PRDM2: variants seen among roughly 807,000 people sequenced by gnomAD.
The protein encoded by PRDM2 is PR/SET domain 2, also known as PR domain zinc finger protein 2.
A neutral mutation model predicts 130.0 loss-of-function variants in PRDM2; 30 were observed. The ratio of observed to expected loss-of-function variants is 0.23; its 90% CI spans 0.17 to 0.31. The LOEUF (loss-of-function observed/expected upper bound fraction) is 0.31. Ranked by LOEUF, PRDM2 falls within the 10% of genes least tolerant of loss-of-function variation. The pLI is 1.00. For missense variants in PRDM2, 2,011 were observed against 2,108.4 expected, an observed-to-expected ratio of 0.95 and a Z score of 0.90; for synonymous variants, 871 against 782.4, an observed-to-expected ratio of 1.11 and a Z score of -1.89.
intron 8 of PRDM2, among the ~76,000 whole-genome samples, chr1:13,785,414 CT>C (rs1284549248): frequency 6.6e-6 from 1 of 152,190 alleles, no homozygotes; most frequent in African/African-American, 2.4e-5. Flanking sequence ...GTTTTCCATA[CT>C]CAGATATTTT....
At position 13,781,428 on chromosome 1, in the gene PRDM2, A is replaced by G. The variant is rs767330105; in HGVS notation, c.3633A>G (p.Arg1211=). The G allele has an allele frequency of 1.9e-6, 3 of 1,614,142 alleles. No individual in the cohort carries two copies. Among genetic ancestry groups the G allele is most frequent in the Non-Finnish European group, 2.5e-6 (3 of 1,180,042 alleles). ...TGTGCAATTTGCAGCAGCACCAGCG[A>G]GATCTCCACCCAGATAAGGTGTGCA... ...AFLCNLQQHQ[R]DLHPDKVCTH... The change falls in exon 8 of 10, where the codon CGA becomes CGG. Residue 1211 remains arginine (R), a synonymous_variant. Transcript: ENST00000311066. This position sits in a 1 kb window ranked among gnomAD's most constrained non-coding sequence, Gnocchi z 6.1.
Position 13,752,077 on chromosome 1 carries a change from C to T in PRDM2, c.511+2590C>T, listed in dbSNP as rs527567754. On this transcript the variant is annotated intron_variant, in intron 6 of 9. Coordinates refer to ENST00000311066, the MANE Select transcript of PRDM2 (RefSeq NM_001393986.1). ...ACAGTGATGAGCAAAAAAGCAGCGG[C>T]GACTCTTCTTATGGCGCCGACAAAC... Among the ~76,000 whole-genome samples the T allele has an allele frequency of 1.2e-3, 177 of 152,104 alleles. 3 individuals carry two copies. The South Asian group carries it at 0.036, about 31-fold the overall frequency.
rs756953375 is a variant in PRDM2, at chr1:13,732,765, A to G, written c.128-14A>G. On this transcript the variant is annotated splice_polypyrimidine_tract_variant and intron_variant, in intron 3 of 9. Coordinates refer to ENST00000311066, the MANE Select transcript of PRDM2 (RefSeq NM_001393986.1). ...ACCATGATACATTATAAAAATACTG[A>G]TTTTATTTTCTAGGTGTCTGGGCCA... is the stretch of plus-strand genomic sequence containing the variant. 9 of 1,532,680 alleles carry G rather than the reference A, an allele frequency of 5.9e-6. No homozygotes were observed. The highest frequency in any genetic ancestry group is 1.4e-5 in the African/African-American group (1 of 71,540). The allele number at this position is 1,532,680 out of a possible 1,614,324, so 94.9% of individuals were successfully genotyped here.
intron 2 of PRDM2, 64 bp from the exon 3 acceptor site, chr1:13,730,936 A>G: frequency 7.7e-7 from 1 of 1,291,252 alleles, no homozygotes; most frequent in Admixed American, 2.4e-5. Flanking sequence ...ACCAGAAAAA[A>G]AAAAAAACCC....
intron 7 of PRDM2, among the ~76,000 whole-genome samples, chr1:13,774,425 T>C (rs555475152): frequency 2.0e-5 from 3 of 152,338 alleles, no homozygotes; most frequent in African/African-American, 7.2e-5. Flanking sequence ...TTAAGCACTG[T>C]TTGTGATGAT....
intron 2 of PRDM2, among the ~76,000 whole-genome samples, chr1:13,728,163 G>A (rs1642984880): frequency 1.3e-5 from 2 of 152,082 alleles, no homozygotes; most frequent in African/African-American, 2.4e-5. Flanking sequence ...CTTTAAGTTA[G>A]CTTACAAAGA....
At chr1:13,795,498 G>A (rs569869893) in intron 8 of PRDM2, among the ~76,000 whole-genome samples, 74 of 152,326 alleles carry the variant, frequency 4.9e-4, no homozygotes, top group African/African-American at 1.6e-3. Context: ...GAGGTAGAAG[G>A]GAGCCCCTGG....
intron 6 of PRDM2, among the ~76,000 whole-genome samples, chr1:13,758,416 C>A (rs1474420473): frequency 6.8e-6 from 1 of 147,412 alleles, no homozygotes; most frequent in East Asian, 2.0e-4. Context: ...CACTGCACTC[C>A]AGCCTGGGCA....
At chr1:13,715,436 T>A in intron 1 of PRDM2, 105 bp from the exon 2 acceptor site, 1 of 452,598 alleles carries the variant, frequency 2.2e-6, no homozygotes, top group South Asian at 4.5e-5. Context: ...ATAGAGTTGC[T>A]TTATAAATAG....
intron 2 of PRDM2, among the ~76,000 whole-genome samples, chr1:13,718,634 T>C (rs746406869): frequency 6.6e-6 from 1 of 152,126 alleles, no homozygotes; most frequent in Non-Finnish European, 1.5e-5. Context: ...CCTTTCTTAA[T>C]ATCTCTTAAC....
intron 9 of PRDM2, among the ~76,000 whole-genome samples, chr1:13,817,981 A>T (rs1645284431): frequency 6.6e-6 from 1 of 152,202 alleles, no homozygotes; most frequent in Non-Finnish European, 1.5e-5. Flanking sequence ...GGGAAGTCAC[A>T]TCACCCCTAT....
At chr1:13,821,958 A>G (rs941511672) in intron 9 of PRDM2, among the ~76,000 whole-genome samples, 3 of 152,172 alleles carry the variant, frequency 2.0e-5, no homozygotes, top group African/African-American at 7.2e-5. Flanking sequence ...CAGGCTTGTA[A>G]AAGTTATTTC....
In PRDM2 at chr1:13,802,140, A is replaced by C. The variant is rs536182211; in HGVS notation, c.5037-14287A>C. ...CTATTCAACCCCGGACCCTGGGCAC[A>C]TTCTGAGGATGAGACCTCCAGCTCC... On this transcript the variant is annotated intron_variant, in intron 8 of 9. Coordinates refer to ENST00000311066, the MANE Select transcript of PRDM2 (RefSeq NM_001393986.1). 1.2e-3 allele frequency among the ~76,000 whole-genome samples: 181 copies of C among 152,342 alleles called. 3 individuals are homozygous for C. The South Asian group carries it at 0.037, about 31-fold the overall frequency.
intron 6 of PRDM2, 67 bp from the exon 7 acceptor site, chr1:13,773,011 G>A: frequency 1.1e-6 from 1 of 888,602 alleles, no homozygotes; most frequent in Non-Finnish European, 1.7e-6. Flanking sequence ...AATAACACAT[G>A]AGGGAATGAA....
Position 13,779,302 on chromosome 1 carries a change from C to T in PRDM2, c.1507C>T (p.Arg503Cys). Residue 503 changes from arginine to cysteine, a missense_variant, in exon 8 of 10, where the codon CGT becomes TGT. Physicochemically the swap from Arg to Cys is radical, Grantham distance 180. Transcript: ENST00000311066. This position sits in a 1 kb window ranked among gnomAD's most constrained non-coding sequence, Gnocchi z 4.9. ...GTHTNMRRHQ[R>C]RVHERHLIPK... ...TCATACTAATATGAGACGGCATCAGCGTAGAGTTCACGAACGTCATCTGAT... is the reference window on the plus strand; with the variant it reads ...TCATACTAATATGAGACGGCATCAGTGTAGAGTTCACGAACGTCATCTGAT... The T allele has an allele frequency of 1.2e-6, 2 of 1,613,988 alleles. No individual in the cohort carries two copies. Among genetic ancestry groups the T allele is most frequent in the East Asian group, 2.2e-5 (1 of 44,884 alleles).
At chr1:13,787,721 C>T (rs115832282) in intron 8 of PRDM2, 23 of 984,580 alleles carry the variant, frequency 2.3e-5, no homozygotes, top group African/African-American at 5.2e-5. Flanking sequence ...TTTTTGTTGG[C>T]GTTGTTAACC....
intron 8 of PRDM2, among the ~76,000 whole-genome samples, chr1:13,793,540 C>T (rs547984828): frequency 1.4e-4 from 21 of 152,268 alleles, no homozygotes; most frequent in Admixed American, 4.6e-4. Flanking sequence ...AGAAAAAAGC[C>T]CTTTGTGGGA....
chr1:13,757,087 A>T (rs912887405), intron 6 of PRDM2, among the ~76,000 whole-genome samples: 1 of 152,238 alleles, frequency 6.6e-6, no homozygotes, highest in East Asian at 1.9e-4. Context: ...AGAAGTGCCC[A>T]CTTTAATTCT....
At chr1:13,775,011 C>CA (rs1644444619) in intron 7 of PRDM2, among the ~76,000 whole-genome samples, 1 of 152,198 alleles carries the variant, frequency 6.6e-6, no homozygotes, top group South Asian at 2.1e-4. Flanking sequence ...CTTCACCCCC[C>CA]AGTATTTGGC....
Sources: allele counts gnomAD v4.1 joint callset (sites outside exome capture counted in the v4.1 genomes callset), GRCh38; gene constraint gnomAD v4.1.1; non-coding constraint Gnocchi (gnomAD v3.1); transcripts MANE v1.5; gene names NCBI Gene and HGNC (gene_info 2026-07-23, HGNC 2026-07-21).